NT5DC1: variants seen among roughly 807,000 people sequenced by gnomAD.
The protein encoded by NT5DC1 is 5'-nucleotidase domain containing 1.
A neutral mutation model predicts 59.4 loss-of-function variants in NT5DC1; 42 were observed. The ratio of observed to expected loss-of-function variants is 0.71; its 90% CI spans 0.55 to 0.92. NT5DC1 has a LOEUF of 0.92. NT5DC1 is among the 40% of genes least tolerant of loss of function. The pLI, the probability that NT5DC1 is intolerant of heterozygous loss-of-function variation, is 0.00. For missense variants in NT5DC1, 501 were observed against 537.1 expected (o/e 0.93, Z 0.66); for synonymous variants, 172 against 188.1 (o/e 0.91, Z 0.70).
intron 6 of NT5DC1, among the ~76,000 whole-genome samples, chr6:116,199,493 A>G (rs1216781263): frequency 6.6e-6 from 1 of 152,090 alleles, no homozygotes; most frequent in Non-Finnish European, 1.5e-5. Context: ...ATATGTATGT[A>G]CAAAAGCATC....
At chr6:116,200,028 G>T (rs1781314240) in intron 6 of NT5DC1, among the ~76,000 whole-genome samples, 1 of 151,574 alleles carries the variant, frequency 6.6e-6, no homozygotes, top group Non-Finnish European at 1.5e-5. Context: ...TTGCAGTGGG[G>T]CAACCTGACA....
chr6:116,140,158 T>G (rs934082711), intron 6 of NT5DC1, among the ~76,000 whole-genome samples: 1 of 152,206 alleles, frequency 6.6e-6, no homozygotes, highest in Non-Finnish European at 1.5e-5. Flanking sequence ...ACTTTGGCAT[T>G]TTTCCACCAG....
intron 3 of NT5DC1, among the ~76,000 whole-genome samples, chr6:116,108,988 T>C (rs1359851490): frequency 6.6e-6 from 1 of 152,178 alleles, no homozygotes; most frequent in Non-Finnish European, 1.5e-5. Flanking sequence ...TGACTTTCTT[T>C]ACTTCTCTCC....
chr6:116,223,965 CAG>C (rs1261139476), intron 8 of NT5DC1, among the ~76,000 whole-genome samples: 2 of 152,052 alleles, frequency 1.3e-5, no homozygotes, highest in Admixed American at 6.5e-5. Flanking sequence ...GTATTTTAAA[CAG>C]AATGATAAAA....
chr6:116,108,649 C>T (rs1778810555), intron 3 of NT5DC1, among the ~76,000 whole-genome samples: 1 of 152,184 alleles, frequency 6.6e-6, no homozygotes, highest in Non-Finnish European at 1.5e-5. Flanking sequence ...TTTAAGTTTA[C>T]ATCATTAGAA....
Position 116,218,926 on chromosome 6 carries a change from C to T in NT5DC1, c.530-2128C>T, listed in dbSNP as rs181414101. On this transcript the variant is annotated intron_variant, in intron 6 of 11. Coordinates refer to ENST00000319550, the MANE Select transcript of NT5DC1 (RefSeq NM_152729.3). ...TATTACTAAATTGAGTTATTTTACA[C>T]AACCAGAGGTTGTCCAGAAGTTGAA... Among the ~76,000 whole-genome samples, 282 of 152,284 alleles carry T rather than the reference C, an allele frequency of 1.9e-3. 2 individuals are homozygous for T. Among genetic ancestry groups the T allele is most frequent in the Admixed American group, 3.2e-3 (49 of 15,292 alleles).
At chr6:116,175,879 T>C (rs1186200008) in intron 6 of NT5DC1, among the ~76,000 whole-genome samples, 2 of 152,220 alleles carry the variant, frequency 1.3e-5, no homozygotes, top group African/African-American at 2.4e-5. Flanking sequence ...TGTCTGATAA[T>C]TCCAATGTAT....
In NT5DC1 at chr6:116,115,723, C is replaced by A. The variant is rs142953199; in HGVS notation, c.397C>A (p.Leu133Met). The A allele has an allele frequency of 2.0e-5, 32 of 1,604,932 alleles. No individual in the cohort carries two copies. The African/African-American group carries it at 3.9e-4, about 19-fold the overall frequency. Residue 133 changes from leucine to methionine, a missense_variant, in exon 5 of 12, where the codon CTG (leucine) becomes ATG (methionine). By Grantham distance (15) the Leu-to-Met change is conservative (BLOSUM62 2). Transcript: ENST00000319550. ...TTACTTTTACGACAACTACTTTGACCTGCCAGGAGCTCTTCTGTGTGCCAG... is the reference window on the plus strand; with the variant it reads ...TTACTTTTACGACAACTACTTTGACATGCCAGGAGCTCTTCTGTGTGCCAG... ...KYYFYDNYFD[L>M]PGALLCARVV...
At position 116,171,014 on chromosome 6, in the gene NT5DC1, C is replaced by T. The variant is rs150225697; in HGVS notation, c.530-50040C>T. Among the ~76,000 whole-genome samples, 278 of 152,222 alleles carry T rather than the reference C, an allele frequency of 1.8e-3. 3 individuals carry two copies. The highest frequency in any genetic ancestry group is 5.7e-3 in the African/African-American group (236 of 41,528). On this transcript the variant is annotated intron_variant, in intron 6 of 11. Coordinates refer to ENST00000319550, the MANE Select transcript of NT5DC1 (RefSeq NM_152729.3). ...TATTTAGCCTGTTACCACCCTACCA[C>T]GCCTCTTCATTGGACTTAATGATTC...
chr6:116,210,121 A>T (rs1356565733), intron 6 of NT5DC1, among the ~76,000 whole-genome samples: 1 of 152,010 alleles, frequency 6.6e-6, no homozygotes, highest in Non-Finnish European at 1.5e-5. Flanking sequence ...TATAATTAGA[A>T]TGCATATTGA....
intron 6 of NT5DC1, among the ~76,000 whole-genome samples, chr6:116,195,316 T>A (rs1316868118): frequency 6.6e-6 from 1 of 152,088 alleles, no homozygotes; most frequent in Non-Finnish European, 1.5e-5. Flanking sequence ...CAGAGGAGAA[T>A]ATTAATTGAC....
chr6:116,117,852 T>C lies in NT5DC1; in HGVS notation c.445-9T>C. On this transcript the variant is annotated splice_polypyrimidine_tract_variant and intron_variant, in intron 5 of 11. Coordinates refer to ENST00000319550, the MANE Select transcript of NT5DC1 (RefSeq NM_152729.3). Reference sequence around the variant, plus strand: ...ATTGTGTTTGTTTCATTTGGAATTATTTTTTCAGCTGAACAATGGTCAAAA... The same window carrying C: ...ATTGTGTTTGTTTCATTTGGAATTACTTTTTCAGCTGAACAATGGTCAAAA... 1 of 1,486,542 alleles carries C rather than the reference T, an allele frequency of 6.7e-7. No homozygotes were observed. The highest frequency in any genetic ancestry group is 9.3e-7 in the Non-Finnish European group (1 of 1,072,394). The allele number at this position is 1,486,542 out of a possible 1,614,324, so 92.1% of individuals were successfully genotyped here.
At chr6:116,221,994 TC>T (rs1231086514) in intron 7 of NT5DC1, among the ~76,000 whole-genome samples, 1 of 152,180 alleles carries the variant, frequency 6.6e-6, no homozygotes, top group Non-Finnish European at 1.5e-5. Context: ...TTCCTCAAAT[TC>T]CATCAAATAC....
At chr6:116,111,008 C>A in intron 4 of NT5DC1, 52 bp downstream of exon 4, 1 of 1,252,118 alleles carries the variant, frequency 8.0e-7, no homozygotes, top group Non-Finnish European at 1.2e-6. Context: ...TGTTTTGTAC[C>A]CTAAACCTTT....
At chr6:116,183,984 C>T (rs1780938895) in intron 6 of NT5DC1, among the ~76,000 whole-genome samples, 1 of 151,982 alleles carries the variant, frequency 6.6e-6, no homozygotes, top group Non-Finnish European at 1.5e-5. Flanking sequence ...TTCCAGTTCT[C>T]AGGAGGATTG....
At chr6:116,231,792 A>G (rs2114553811) in intron 8 of NT5DC1, among the ~76,000 whole-genome samples, 1 of 152,338 alleles carries the variant, frequency 6.6e-6, no homozygotes, top group East Asian at 1.9e-4. Flanking sequence ...ATAGAATGAA[A>G]TGCACATATT....
At chr6:116,132,806 G>A (rs1042674121) in intron 6 of NT5DC1, among the ~76,000 whole-genome samples, 1 of 152,072 alleles carries the variant, frequency 6.6e-6, no homozygotes, top group African/African-American at 2.4e-5. Flanking sequence ...GAAAAGTGCC[G>A]AGAAGTTTAG....
At chr6:116,147,273 C>T (rs1298316225) in intron 6 of NT5DC1, among the ~76,000 whole-genome samples, 2 of 151,728 alleles carry the variant, frequency 1.3e-5, no homozygotes, top group Non-Finnish European at 2.9e-5. Flanking sequence ...GAAATCCCGA[C>T]TCTACTAAAA....
intron 4 of NT5DC1, among the ~76,000 whole-genome samples, chr6:116,111,725 T>C (rs546528184): frequency 1.2e-4 from 18 of 152,346 alleles, no homozygotes; most frequent in Non-Finnish European, 2.4e-4. Flanking sequence ...ATTTGCTATC[T>C]TTTGAGAGTT....
Sources: allele counts gnomAD v4.1 joint callset (sites outside exome capture counted in the v4.1 genomes callset), GRCh38; gene constraint gnomAD v4.1.1; transcripts MANE v1.5; gene names NCBI Gene and HGNC (gene_info 2026-07-23, HGNC 2026-07-21).